Variants in GPC5 observed in about 807,000 individuals in gnomAD.
GPC5 encodes the protein glypican-5.
A neutral mutation model predicts 53.9 loss-of-function variants in GPC5; 47 were observed. The observed-to-expected ratio is 0.87, with a 90% confidence interval of 0.69 to 1.11. The LOEUF (loss-of-function observed/expected upper bound fraction) is 1.11, where lower values mean the gene tolerates loss of function less well. Ranked by LOEUF, GPC5 falls within the 50% of genes most tolerant of loss-of-function variation. The probability of loss-of-function intolerance (pLI) is 0.00; values close to 1 mark genes in which losing one functional copy is unlikely to be tolerated. For synonymous variants in GPC5, 286 were observed against 263.3 expected (o/e 1.09, Z -0.84); for missense variants, 748 against 713.1 (o/e 1.05, Z -0.56).
rs114498369 is a variant in GPC5, at chr13:92,217,561, C to T, written c.1561+72572C>T. On this transcript the variant is annotated intron_variant, in intron 7 of 7. Coordinates refer to ENST00000377067, the MANE Select transcript of GPC5 (RefSeq NM_004466.6). ...TAGTCCCATCTCCAATCTGTGGCTACAAATTCCCACTTGCCCATGCCGTAT... is the reference window on the plus strand; with the variant it reads ...TAGTCCCATCTCCAATCTGTGGCTATAAATTCCCACTTGCCCATGCCGTAT... 9.6e-3 allele frequency among the ~76,000 whole-genome samples: 1,460 copies of T among 152,300 alleles called. 25 individuals carry two copies. Among genetic ancestry groups the T allele is most frequent in the African/African-American group, 0.033 (1,370 of 41,568 alleles).
chr13:92,199,869 C>A (rs1252437952), intron 7 of GPC5, among the ~76,000 whole-genome samples: 1 of 152,062 alleles, frequency 6.6e-6, no homozygotes, highest in Non-Finnish European at 1.5e-5. Flanking sequence ...CTGTATATAA[C>A]ATCGTGTCTC....
chr13:91,791,918 A>G (rs1386654283), intron 5 of GPC5, among the ~76,000 whole-genome samples: 1 of 152,252 alleles, frequency 6.6e-6, no homozygotes, highest in Non-Finnish European at 1.5e-5. Context: ...ATACGTATGT[A>G]TATTCATAAC....
chr13:92,506,784 G>A (rs1369122419), intron 7 of GPC5, among the ~76,000 whole-genome samples: 1 of 152,122 alleles, frequency 6.6e-6, no homozygotes, highest in African/African-American at 2.4e-5. Flanking sequence ...AGGTTCAAGA[G>A]TATGCCTTAC....
At chr13:91,589,373 TAGATCATCTATCTGCA>T (rs980884660) in intron 2 of GPC5, among the ~76,000 whole-genome samples, 2 of 152,070 alleles carry the variant, frequency 1.3e-5, no homozygotes, top group African/African-American at 4.8e-5. Context: ...CACCTGTTTC[TAGATCATCTATCTGCA>T]ACTACAAACT....
chr13:91,638,842 T>A (rs1044985344), intron 2 of GPC5, among the ~76,000 whole-genome samples: 1 of 152,348 alleles, frequency 6.6e-6, no homozygotes, highest in South Asian at 2.1e-4. Context: ...TTCTAAAAAA[T>A]TATTTATTAG....
chr13:92,138,317 G>T (rs189156042), intron 6 of GPC5, among the ~76,000 whole-genome samples: 1 of 151,874 alleles, frequency 6.6e-6, no homozygotes, highest in Non-Finnish European at 1.5e-5. Context: ...CCAAGAGATC[G>T]AAATCATCCT....
At chr13:92,282,942 A>C (rs2042927232) in intron 7 of GPC5, among the ~76,000 whole-genome samples, 1 of 152,196 alleles carries the variant, frequency 6.6e-6, no homozygotes, top group Non-Finnish European at 1.5e-5. Context: ...AAAGACACAG[A>C]CTGGCTAATT....
At position 91,906,650 on chromosome 13, in the gene GPC5, T is replaced by C. The variant is rs182908360; in HGVS notation, c.1281-1287T>C. Among the ~76,000 whole-genome samples the C allele has an allele frequency of 4.4e-3, 666 of 152,242 alleles. 7 individuals are homozygous for C. Among genetic ancestry groups the C allele is most frequent in the African/African-American group, 0.015 (621 of 41,566 alleles). On this transcript the variant is annotated intron_variant, in intron 5 of 7. Transcript: ENST00000377067. ...AATTGTGTCTTACACCTTCTTATAA[T>C]CCTAATCACCTAGTATAGGACTTGG...
At chr13:92,723,775 A>C (rs899531841) in intron 7 of GPC5, among the ~76,000 whole-genome samples, 3 of 151,632 alleles carry the variant, frequency 2.0e-5, no homozygotes, top group African/African-American at 7.3e-5. Flanking sequence ...GTTACTGCCT[A>C]TTTCTAGGAC....
At position 92,144,345 on chromosome 13, in the gene GPC5, A is replaced by G. The variant is rs569555428; in HGVS notation, c.1402-485A>G. On this transcript the variant is annotated intron_variant, in intron 6 of 7. Transcript: ENST00000377067. ...TATTTGATCCAAGAAAGTTTAAATGAAACTATAAATGTATATGTCTAAAAT... is the reference window on the plus strand; with the variant it reads ...TATTTGATCCAAGAAAGTTTAAATGGAACTATAAATGTATATGTCTAAAAT... Among the ~76,000 whole-genome samples the G allele has an allele frequency of 7.9e-5, 12 of 152,304 alleles. No homozygotes were observed. The South Asian group carries it at 2.5e-3, about 32-fold the overall frequency.
intron 7 of GPC5, among the ~76,000 whole-genome samples, chr13:92,763,130 A>G (rs1875255643): frequency 6.6e-6 from 1 of 152,116 alleles, no homozygotes; most frequent in Non-Finnish European, 1.5e-5. Context: ...TGGGTCAATT[A>G]CTGGAGAATT....
intron 7 of GPC5, among the ~76,000 whole-genome samples, chr13:92,621,789 G>A (rs546296219): frequency 1.1e-3 from 161 of 152,036 alleles, no homozygotes; most frequent in Non-Finnish European, 1.3e-3. Flanking sequence ...ATTACACTCC[G>A]GCCTGGGCAA....
chr13:91,671,721 A>G (rs903504459), intron 2 of GPC5, among the ~76,000 whole-genome samples: 1 of 150,968 alleles, frequency 6.6e-6, no homozygotes, highest in African/African-American at 2.4e-5. Context: ...AATTAGAAAA[A>G]ATATTTTAAA....
intron 5 of GPC5, among the ~76,000 whole-genome samples, chr13:91,839,171 A>C (rs1288744064): frequency 6.6e-6 from 1 of 152,156 alleles, no homozygotes; most frequent in East Asian, 1.9e-4. Flanking sequence ...TTTCCATCTT[A>C]ATGAACACTT....
intron 5 of GPC5, among the ~76,000 whole-genome samples, chr13:91,851,614 AG>A (rs1189597324): frequency 6.7e-6 from 1 of 148,150 alleles, no homozygotes. Flanking sequence ...CTCGTCATCT[AG>A]CATTAGGTAT....
chr13:91,986,418 G>A (rs2040409089), intron 6 of GPC5, among the ~76,000 whole-genome samples: 1 of 152,126 alleles, frequency 6.6e-6, no homozygotes, highest in South Asian at 2.1e-4. Flanking sequence ...TAACTTACTA[G>A]AAACTACGAT....
chr13:91,467,344 T>G (rs533207463), intron 2 of GPC5, among the ~76,000 whole-genome samples: 64 of 152,290 alleles, frequency 4.2e-4, no homozygotes, highest in African/African-American at 1.4e-3. Context: ...GATCCACGAT[T>G]CCTCCACCAA....
chr13:91,980,809 A>G (rs1176665108), intron 6 of GPC5, among the ~76,000 whole-genome samples: 1 of 152,218 alleles, frequency 6.6e-6, no homozygotes, highest in Non-Finnish European at 1.5e-5. Context: ...GATTTCTAAG[A>G]CTATAGGTTA....
intron 2 of GPC5, among the ~76,000 whole-genome samples, chr13:91,618,986 CTAT>C (rs2033778002): frequency 6.6e-6 from 1 of 152,014 alleles, no homozygotes; most frequent in African/African-American, 2.4e-5. Flanking sequence ...ACTACTATTA[CTAT>C]TATTATAATT....
Sources: allele counts gnomAD v4.1 joint callset (sites outside exome capture counted in the v4.1 genomes callset), GRCh38; gene constraint gnomAD v4.1.1; transcripts MANE v1.5; gene names NCBI Gene and HGNC (gene_info 2026-07-23, HGNC 2026-07-21).